The following ABLIM1 variants were observed in gnomAD, a reference collection of about 807,000 sequenced individuals.
ABLIM1 encodes the protein actin binding LIM protein 1, also known as actin-binding LIM protein 1.
ABLIM1 carries 40 observed loss-of-function variants against 107.0 expected under a neutral mutation model. The ratio of observed to expected loss-of-function variants is 0.37; its 90% CI spans 0.29 to 0.49. The LOEUF (loss-of-function observed/expected upper bound fraction) is 0.49, where lower values mean the gene tolerates loss of function less well. Ranked by LOEUF, ABLIM1 falls within the 20% of genes least tolerant of loss-of-function variation. The pLI is 0.97. For synonymous variants in ABLIM1, 357 were observed against 357.3 expected, an observed-to-expected ratio of 1.00 and a Z score of 0.01; for missense variants, 857 against 1,008.5, an observed-to-expected ratio of 0.85 and a Z score of 2.04.
rs147199922 is a variant in ABLIM1, at chr10:114,448,456, C to A, written c.1595-436G>T. On this transcript the variant is annotated intron_variant, in intron 14 of 22. Coordinates refer to ENST00000533213, the MANE Select transcript of ABLIM1 (RefSeq NM_002313.7). ...TTATAGAAAGTTCCAGTGGACAACA[C>A]TCTCCTAGAGTAATTAGTAATCTAA... 4.4e-3 allele frequency among the ~76,000 whole-genome samples: 674 copies of A among 152,258 alleles called. 1 individual carries two copies. The highest frequency in any genetic ancestry group is 7.1e-3 in the Non-Finnish European group (481 of 68,014).
intron 1 of ABLIM1, among the ~76,000 whole-genome samples, chr10:114,713,321 C>T (rs905541383): frequency 6.6e-6 from 1 of 152,118 alleles, no homozygotes; most frequent in Non-Finnish European, 1.5e-5. Flanking sequence ...GCAAAGATCC[C>T]ACTTCTCATA....
intron 1 of ABLIM1, among the ~76,000 whole-genome samples, chr10:114,681,184 T>C (rs1350657616): frequency 6.6e-6 from 1 of 151,574 alleles, no homozygotes; most frequent in African/African-American, 2.4e-5. Context: ...AGCCATTTTA[T>C]ATATTTTTTA....
intron 12 of ABLIM1, among the ~76,000 whole-genome samples, chr10:114,464,111 C>T (rs1001110255): frequency 2.6e-5 from 4 of 152,092 alleles, no homozygotes; most frequent in African/African-American, 7.2e-5. Context: ...AACCCCACGC[C>T]GCTCCGGCAA....
In ABLIM1 at chr10:114,434,462, T is replaced by G. The variant is rs1167303922; in HGVS notation, c.*1798A>C. On this transcript the variant is annotated 3_prime_UTR_variant, in exon 23 of 23. Transcript: ENST00000533213. ...CCCCAAATGACAGCGGTGAGCCACG[T>G]GTCAGAGGCTGCAACACAGACTCAG... The G allele has an allele frequency of 6.6e-6, 1 of 152,220 alleles. No homozygotes were observed. The highest frequency in any genetic ancestry group is 1.5e-5 in the Non-Finnish European group (1 of 68,044). The allele number at this position is 152,220 out of a possible 1,614,324, so 9.4% of individuals were successfully genotyped here.
chr10:114,720,810 C>T (rs1011235825), intron 1 of ABLIM1, among the ~76,000 whole-genome samples: 1 of 152,150 alleles, frequency 6.6e-6, no homozygotes, highest in Admixed American at 6.5e-5. Flanking sequence ...CCACCAAACA[C>T]GGTCCTTATG....
At chr10:114,632,375 G>A (rs1446123843) in intron 1 of ABLIM1, 5 of 985,234 alleles carry the variant, frequency 5.1e-6, no homozygotes, top group Non-Finnish European at 6.0e-6. Flanking sequence ...AGCTAGAGAC[G>A]GTTCCAATAA....
chr10:114,798,564 C>CCCCCCCG, the ABLIM1 span, among the ~76,000 whole-genome samples: 2 of 149,198 alleles, frequency 1.3e-5, no homozygotes, highest in South Asian at 4.5e-4. Context: ...AGACCCCCCC[C>CCCCCCCG]CCATGTCTAC....
At chr10:114,521,108 T>C (rs1386454406) in intron 6 of ABLIM1, among the ~76,000 whole-genome samples, 1 of 152,178 alleles carries the variant, frequency 6.6e-6, no homozygotes, top group Non-Finnish European at 1.5e-5. Flanking sequence ...GCTCAAATAA[T>C]AGGGATGAGA....
upstream of ABLIM1, among the ~76,000 whole-genome samples, chr10:114,769,056 G>T (rs569973180): frequency 5.9e-5 from 9 of 151,498 alleles, no homozygotes; most frequent in African/African-American, 9.7e-5. Context: ...TTCTATGGCC[G>T]GGTGTGGTGG....
rs1414716807 is a variant in ABLIM1 at position 114,435,070 on chromosome 10, T to C, written c.*1190A>G. ...AGCACATGCATGCTCACAAAATTAC[T>C]CTGGGTGAGTGAAACCAACATGTGC... On this transcript the variant is annotated 3_prime_UTR_variant, in exon 23 of 23. Coordinates refer to ENST00000533213, the MANE Select transcript of ABLIM1 (RefSeq NM_002313.7). 1 of 152,190 alleles carries C rather than the reference T, an allele frequency of 6.6e-6. No individual in the cohort carries two copies. The highest frequency in any genetic ancestry group is 1.5e-5 in the Non-Finnish European group (1 of 68,032). 9.4% of individuals were successfully genotyped at this position (152,190 alleles called of 1,614,324 possible).
chr10:114,769,427 GAAA>G (rs2082986133), upstream of ABLIM1, among the ~76,000 whole-genome samples: 7 of 7,462 alleles, frequency 9.4e-4, no homozygotes, highest in South Asian at 5.5e-3. Context: ...AAGAAGGAAA[GAAA>G]GAAAGAAAGA....
intron 6 of ABLIM1, among the ~76,000 whole-genome samples, chr10:114,510,465 C>A (rs1473422876): frequency 6.6e-6 from 1 of 151,914 alleles, no homozygotes; most frequent in Non-Finnish European, 1.5e-5. Context: ...GATTTTTCCC[C>A]ACTAGACTTT....
intron 1 of ABLIM1, among the ~76,000 whole-genome samples, chr10:114,709,659 G>C (rs764551044): frequency 7.9e-5 from 12 of 152,082 alleles, no homozygotes; most frequent in Non-Finnish European, 1.5e-4. Context: ...TCTCTACATA[G>C]AAAAAACTAC....
intron 1 of ABLIM1, among the ~76,000 whole-genome samples, chr10:114,663,881 T>C (rs1217280435): frequency 1.3e-5 from 2 of 152,300 alleles, no homozygotes; most frequent in East Asian, 1.9e-4. Context: ...ACACGGTGCC[T>C]GCCTGCTCCA....
intron 1 of ABLIM1, chr10:114,613,613 C>G (rs749768933): frequency 9.0e-6 from 11 of 1,220,848 alleles, no homozygotes; most frequent in Non-Finnish European, 1.1e-6. Flanking sequence ...TGAAAAGGCA[C>G]TCTTGCTCTT....
intron 6 of ABLIM1, among the ~76,000 whole-genome samples, chr10:114,511,294 G>A (rs779633082): frequency 1.3e-5 from 2 of 151,954 alleles, no homozygotes; most frequent in Non-Finnish European, 2.9e-5. Context: ...ATGTATTGCT[G>A]AATCCACGAG....
intron 1 of ABLIM1, among the ~76,000 whole-genome samples, chr10:114,757,425 A>G (rs2082654803): frequency 6.6e-6 from 1 of 152,176 alleles, no homozygotes; most frequent in African/African-American, 2.4e-5. Flanking sequence ...AACATTTCAA[A>G]TGTCCAAAAT....
chr10:114,799,895 C>T, the ABLIM1 span, among the ~76,000 whole-genome samples: 9 of 152,288 alleles, frequency 5.9e-5, 1 homozygote, highest in East Asian at 1.7e-3. Context: ...CCAGGCTCAG[C>T]CTCCTGAGTA....
At chr10:114,501,124 G>T (rs909192522) in intron 6 of ABLIM1, among the ~76,000 whole-genome samples, 19 of 152,214 alleles carry the variant, frequency 1.2e-4, no homozygotes, top group Non-Finnish European at 2.4e-4. Flanking sequence ...GTATTTGCTT[G>T]TTTCCAGACA....
Sources: gnomAD v4.1 joint callset for allele counts (sites outside exome capture counted in the v4.1 genomes callset) on GRCh38, gnomAD v4.1.1 for gene constraint, MANE v1.5 for transcripts, NCBI Gene and HGNC (gene_info 2026-07-23, HGNC 2026-07-21) for gene names.